The following LARP1 variants were observed in gnomAD, a reference collection of about 807,000 sequenced individuals.
LARP1 encodes La ribonucleoprotein 1, translational regulator.
LARP1 carries 36 observed loss-of-function variants against 122.7 expected under a neutral mutation model. The observed-to-expected ratio is 0.29, with a 90% CI of 0.22 to 0.39. The LOEUF is 0.39. Among genes scored for constraint, LARP1 ranks in the 10% least tolerant of loss-of-function variants. The pLI is 1.00. For missense variants in LARP1, 1,040 were observed against 1,403.6 expected, an observed-to-expected ratio of 0.74 and a Z score of 4.14; for synonymous variants, 539 against 528.7, an observed-to-expected ratio of 1.02 and a Z score of -0.27.
At position 154,817,551 on chromosome 5, in the gene LARP1, GCTTTT is replaced by G. The variant is rs1479637784; in HGVS notation, c.*3461_*3465del. ...GTCCTTTGTAATTTGTGGTAATTAT[GCTTTT>G]CTTTTTAATACAAAAAAATGTATAA... On this transcript the variant is annotated 3_prime_UTR_variant, in exon 19 of 19. Transcript: ENST00000518297. 3.9e-5 allele frequency: 6 copies of G among 152,540 alleles called. No homozygotes were observed. The highest frequency in any genetic ancestry group is 8.8e-5 in the Non-Finnish European group (6 of 68,026). 9.4% of individuals were successfully genotyped at this position (152,540 alleles called of 1,614,324 possible). A position where few individuals can be genotyped will look rare whatever the true frequency, so the allele number is the denominator to read the frequency against.
At position 154,803,402 on chromosome 5, in the gene LARP1, G is replaced by T; in HGVS notation, c.2222G>T (p.Arg741Leu). 2 of 1,614,122 alleles carry T rather than the reference G, an allele frequency of 1.2e-6. No homozygotes were observed. The highest frequency in any genetic ancestry group is 1.7e-6 in the Non-Finnish European group (2 of 1,180,014). Reference sequence around the variant, plus strand: ...CAGGAAGTTCCTCCTGGGCCACCTCGGTTCCAGCAAGGTGAGAAGCAGACA... The same window carrying T: ...CAGGAAGTTCCTCCTGGGCCACCTCTGTTCCAGCAAGGTGAGAAGCAGACA... ...PNQEVPPGPP[R>L]FQQVPTDALA... Residue 741 changes from arginine to leucine, a missense_variant, in exon 12 of 19, where the codon CGG (arginine) becomes CTG (leucine). Coordinates refer to ENST00000518297, the MANE Select transcript of LARP1 (RefSeq NM_033551.3). This position sits in a 1 kb window ranked among gnomAD's most constrained non-coding sequence, Gnocchi z 4.4.
chr5:154,765,394 G>GC (rs1754853856), intron 1 of LARP1, among the ~76,000 whole-genome samples: 1 of 151,934 alleles, frequency 6.6e-6, no homozygotes, highest in African/African-American at 2.4e-5. Context: ...TCTCCCCACT[G>GC]CCCCCCGCCG....
intron 1 of LARP1, among the ~76,000 whole-genome samples, chr5:154,720,856 TA>T (rs1755822258): frequency 6.6e-6 from 1 of 152,266 alleles, no homozygotes; most frequent in South Asian, 2.1e-4. Context: ...AACTGCGGGC[TA>T]CGGAACCCTG....
intron 14 of LARP1, 90 bp downstream of exon 14, chr5:154,804,397 GA>G (rs3216148): frequency 0.08 from 75,503 of 947,808 alleles, 3,393 homozygotes; most frequent in South Asian, 0.1. Context: ...AGATTGGTCT[GA>G]AAATTAAAGG....
At chr5:154,729,130 A>G (rs566827254) in intron 1 of LARP1, 1 of 153,408 alleles carries the variant, frequency 6.5e-6, no homozygotes, top group Non-Finnish European at 1.5e-5. Context: ...TGGGGGAAGC[A>G]CAACACTGCA....
chr5:154,709,638 TAGAG>T (rs1755121515), upstream of LARP1, among the ~76,000 whole-genome samples: 1 of 138,208 alleles, frequency 7.2e-6, no homozygotes, highest in African/African-American at 2.8e-5. Context: ...TCATTTTGGC[TAGAG>T]TTAGCTTGTG....
chr5:154,686,926 G>A (rs7727616), intron 1 of LARP1, among the ~76,000 whole-genome samples: 49,120 of 152,068 alleles, frequency 0.32, 9,231 homozygotes, highest in East Asian at 0.57. Context: ...CAAGAAGGCT[G>A]GTGAAGTTCT....
At chr5:154,777,813 C>T (rs748574342) in intron 1 of LARP1, among the ~76,000 whole-genome samples, 2 of 151,994 alleles carry the variant, frequency 1.3e-5, no homozygotes, top group Admixed American at 6.6e-5. Flanking sequence ...ATATGTAAAC[C>T]TACTATGTAC....
intron 1 of LARP1, among the ~76,000 whole-genome samples, chr5:154,727,617 T>C (rs1365563585): frequency 6.6e-6 from 1 of 152,158 alleles, no homozygotes; most frequent in African/African-American, 2.4e-5. Flanking sequence ...ACATATTGTA[T>C]CCTAGAAAAA....
chr5:154,696,031 C>T (rs1301449416), intron 1 of LARP1, among the ~76,000 whole-genome samples: 1 of 152,056 alleles, frequency 6.6e-6, no homozygotes, highest in Non-Finnish European at 1.5e-5. Flanking sequence ...ATATTTATCT[C>T]AGAGTGTCCA....
intron 1 of LARP1, among the ~76,000 whole-genome samples, chr5:154,776,308 A>G (rs1248104698): frequency 6.6e-6 from 1 of 152,208 alleles, no homozygotes; most frequent in Non-Finnish European, 1.5e-5. Flanking sequence ...TACAAAACTT[A>G]AACCCCAGCC....
intron 18 of LARP1, among the ~76,000 whole-genome samples, chr5:154,813,569 C>G (rs1372982594): frequency 6.6e-6 from 1 of 152,110 alleles, no homozygotes; most frequent in East Asian, 1.9e-4. Context: ...GCAGGTAGAC[C>G]TAAATTTTGT....
chr5:154,755,184 A>AG (rs1166830077), upstream of LARP1, among the ~76,000 whole-genome samples: 25 of 149,296 alleles, frequency 1.7e-4, no homozygotes, highest in Admixed American at 4.6e-4. Context: ...GGGCGGGGCG[A>AG]GGGGCAGGAC....
chr5:154,715,264 CTTT>C (rs35808885), intron 1 of LARP1, among the ~76,000 whole-genome samples: 31 of 90,222 alleles, frequency 3.4e-4, no homozygotes, highest in Non-Finnish European at 4.3e-4. Context: ...GCAAGCCTCT[CTTT>C]TTTTTTTTTT....
chr5:154,789,909 A>G (rs950702181), intron 1 of LARP1, among the ~76,000 whole-genome samples: 1 of 152,162 alleles, frequency 6.6e-6, no homozygotes, highest in Admixed American at 6.5e-5. Flanking sequence ...GCTCACATCA[A>G]ACTTCTAGAA....
intron 4 of LARP1, 26 bp downstream of exon 4, chr5:154,792,822 G>A (rs1370191955): frequency 6.2e-7 from 1 of 1,610,492 alleles, no homozygotes; most frequent in Admixed American, 1.7e-5. Flanking sequence ...CAGGACTTGG[G>A]AGAAGGTGGC....
At chr5:154,759,220 AGT>A (rs1451138850) in intron 1 of LARP1, among the ~76,000 whole-genome samples, 1 of 151,676 alleles carries the variant, frequency 6.6e-6, no homozygotes, top group African/African-American at 2.4e-5. Flanking sequence ...TGTTATGATA[AGT>A]GTATTTAGCC....
chr5:154,732,190 A>C (rs1756621510), intron 1 of LARP1, among the ~76,000 whole-genome samples: 1 of 27,112 alleles, frequency 3.7e-5, no homozygotes, highest in East Asian at 7.4e-4. Context: ...AAAACAAAAC[A>C]AAAAAAAAAA....
chr5:154,735,543 A>ATTTT (rs370062624), intron 1 of LARP1, among the ~76,000 whole-genome samples: 39 of 67,360 alleles, frequency 5.8e-4, no homozygotes, highest in Admixed American at 1.5e-3. Context: ...TTTTATTTTT[A>ATTTT]TTTTTATTTA....
Sources: allele counts gnomAD v4.1 joint callset (sites outside exome capture counted in the v4.1 genomes callset), GRCh38; gene constraint gnomAD v4.1.1; non-coding constraint Gnocchi (gnomAD v3.1); transcripts MANE v1.5; gene names NCBI Gene and HGNC (gene_info 2026-07-23, HGNC 2026-07-21).